The following KDM4C variants were observed in gnomAD, a reference collection of about 807,000 sequenced individuals.
KDM4C encodes the protein lysine demethylase 4C.
In KDM4C, 81 loss-of-function variants were observed where a neutral mutation model predicts 129.3. The observed-to-expected ratio is 0.63, with a 90% CI of 0.52 to 0.75. The LOEUF (loss-of-function observed/expected upper bound fraction) is 0.75. KDM4C is among the 30% of genes least tolerant of loss of function. The pLI is 0.00. For synonymous variants in KDM4C, 573 were observed against 456.1 expected (o/e 1.26, Z -3.26); for missense variants, 1,457 against 1,304.0 (o/e 1.12, Z -1.81).
rs10976001 is a variant in KDM4C at position 7,037,107 on chromosome 9, C to T, written c.2260-9755C>T. The stretch of plus-strand genomic sequence containing the variant: ...CCAGAAATGGTTCTCCCATGTCTTG[C>T]TGATCAGCACGGGTTTTCTGTTAAT... On this transcript the variant is annotated intron_variant, in intron 15 of 21. Transcript: ENST00000381309. Among the ~76,000 whole-genome samples the T allele has an allele frequency of 2.5e-3, 377 of 152,284 alleles. 9 individuals carry two copies. In the East Asian group the frequency reaches 0.026, roughly 11 times the overall value.
chr9:6,889,313 C>T (rs1845778306), intron 7 of KDM4C, among the ~76,000 whole-genome samples: 1 of 150,176 alleles, frequency 6.7e-6, no homozygotes, highest in African/African-American at 2.4e-5. Context: ...CATTCTTCAG[C>T]TTGAGGTGAT....
chr9:7,165,643 T>A (rs560567493), intron 20 of KDM4C, among the ~76,000 whole-genome samples: 6 of 152,238 alleles, frequency 3.9e-5, no homozygotes, highest in Non-Finnish European at 8.8e-5. Flanking sequence ...TGCCTCCCAC[T>A]GTTTCTGTTG....
At chr9:6,900,902 A>G (rs974615382) in intron 8 of KDM4C, among the ~76,000 whole-genome samples, 1 of 152,020 alleles carries the variant, frequency 6.6e-6, no homozygotes, top group African/African-American at 2.4e-5. Context: ...AGGGCCACCT[A>G]TCTCAATGTA....
intron 4 of KDM4C, among the ~76,000 whole-genome samples, chr9:6,823,834 C>G (rs375426864): frequency 2.9e-4 from 44 of 152,236 alleles, no homozygotes; most frequent in African/African-American, 8.7e-4. Context: ...CTCCTTCCTT[C>G]AGTACGCACC....
intron 19 of KDM4C, among the ~76,000 whole-genome samples, chr9:7,139,020 C>T (rs1028716520): frequency 2.0e-5 from 3 of 152,030 alleles, no homozygotes; most frequent in African/African-American, 7.3e-5. Context: ...ACCTGGAATC[C>T]CAGCACCTTG....
chr9:6,971,894 C>T (rs1563911481), intron 8 of KDM4C, among the ~76,000 whole-genome samples: 2 of 152,150 alleles, frequency 1.3e-5, no homozygotes, highest in Admixed American at 6.5e-5. Flanking sequence ...TTGTTTCTAA[C>T]ATTGCTGGCA....
intron 1 of KDM4C, among the ~76,000 whole-genome samples, chr9:6,768,567 C>T (rs559554362): frequency 9.8e-4 from 149 of 152,102 alleles, no homozygotes; most frequent in Middle Eastern, 3.4e-3. Flanking sequence ...TTTTTAGATT[C>T]TTCATATTTC....
At chr9:7,030,378 A>T (rs910742773) in intron 15 of KDM4C, among the ~76,000 whole-genome samples, 1 of 152,222 alleles carries the variant, frequency 6.6e-6, no homozygotes, top group Non-Finnish European at 1.5e-5. Context: ...GTTTGATAGT[A>T]TAATGGTAAA....
At chr9:7,093,578 G>A (rs1166094478) in intron 17 of KDM4C, among the ~76,000 whole-genome samples, 2 of 151,960 alleles carry the variant, frequency 1.3e-5, no homozygotes, top group East Asian at 1.9e-4. Flanking sequence ...TCTTCATCTG[G>A]GTTTTTTTGT....
intron 8 of KDM4C, among the ~76,000 whole-genome samples, chr9:6,899,613 T>C (rs1279673347): frequency 6.6e-6 from 1 of 151,730 alleles, no homozygotes; most frequent in Non-Finnish European, 1.5e-5. Flanking sequence ...CTGGAGAGAG[T>C]GTTCACACAT....
intron 8 of KDM4C, among the ~76,000 whole-genome samples, chr9:6,965,845 C>A (rs1193371903): frequency 2.6e-5 from 4 of 152,184 alleles, no homozygotes; most frequent in Non-Finnish European, 5.9e-5. Context: ...TCTAGAAACA[C>A]CCTTACAGAA....
intron 19 of KDM4C, among the ~76,000 whole-genome samples, chr9:7,131,017 C>A (rs1441007885): frequency 3.3e-5 from 5 of 152,060 alleles, no homozygotes; most frequent in Admixed American, 2.6e-4. Flanking sequence ...GATCCTCCCG[C>A]CTCGGCATCC....
chr9:6,985,036 C>T (rs1030362542), intron 10 of KDM4C, among the ~76,000 whole-genome samples: 2 of 152,154 alleles, frequency 1.3e-5, no homozygotes, highest in African/African-American at 2.4e-5. Flanking sequence ...ACTTCTCATC[C>T]TGTAAATCCT....
chr9:7,137,181 G>A (rs993775997), intron 19 of KDM4C, among the ~76,000 whole-genome samples: 3 of 152,144 alleles, frequency 2.0e-5, no homozygotes, highest in South Asian at 2.1e-4. Context: ...GGGCATTGGC[G>A]CACCTGCTGG....
At chr9:7,059,095 G>A (rs770014244) in intron 17 of KDM4C, among the ~76,000 whole-genome samples, 27 of 152,118 alleles carry the variant, frequency 1.8e-4, no homozygotes, top group Non-Finnish European at 2.9e-4. Context: ...TTGATATTTT[G>A]TAATAAAATG....
chr9:6,949,704 T>A (rs1327059399), intron 8 of KDM4C, among the ~76,000 whole-genome samples: 1 of 152,054 alleles, frequency 6.6e-6, no homozygotes, highest in Non-Finnish European at 1.5e-5. Flanking sequence ...CAGTCAGGCG[T>A]GGCGGCGCGC....
intron 17 of KDM4C, among the ~76,000 whole-genome samples, chr9:7,080,253 C>G (rs932047884): frequency 6.6e-6 from 1 of 152,282 alleles, no homozygotes; most frequent in African/African-American, 2.4e-5. Flanking sequence ...CCCATGTATT[C>G]TCCTCCTTAC....
At chr9:7,019,931 A>G (rs1824482576) in intron 15 of KDM4C, among the ~76,000 whole-genome samples, 1 of 151,810 alleles carries the variant, frequency 6.6e-6, no homozygotes, top group South Asian at 2.1e-4. Flanking sequence ...GTCAATAATC[A>G]TAGATCAGCT....
Position 6,746,246 on chromosome 9 carries a change from T to TTATATATA in KDM4C, c.49+25257_49+25264dup, listed in dbSNP as rs749012885. ...GTGAGCCACTGTGCCCAGCCAGCCATTATATATATATATATGTTTTTTTTT... is the reference window on the plus strand; with the variant it reads ...GTGAGCCACTGTGCCCAGCCAGCCATTATATATATATATATATATATATGTTTTTTTTT... On this transcript the variant is annotated intron_variant, in intron 1 of 17. Coordinates refer to the KDM4C transcript ENST00000536108. Among the ~76,000 whole-genome samples the TTATATATA allele has an allele frequency of 7.9e-4, 92 of 116,060 alleles. 1 individual carries two copies. Among genetic ancestry groups the TTATATATA allele is most frequent in the Middle Eastern group, 4.9e-3 (1 of 206 alleles). The allele number at this position is 116,060 out of a possible 152,430, so 76.1% of individuals were successfully genotyped here.
Sources: gnomAD v4.1 joint callset for allele counts (sites outside exome capture counted in the v4.1 genomes callset) on GRCh38, gnomAD v4.1.1 for gene constraint, MANE v1.5 for transcripts, NCBI Gene and HGNC (gene_info 2026-07-23, HGNC 2026-07-21) for gene names.